Variants in ERICH1 observed in about 807,000 individuals in gnomAD.
ERICH1 encodes glutamate rich 1, also known as glutamate-rich protein 1.
ERICH1 carries 56 observed loss-of-function variants against 39.6 expected under a neutral mutation model. The observed-to-expected ratio is 1.41, with a 90% confidence interval of 1.14 to 1.77. The LOEUF (loss-of-function observed/expected upper bound fraction) is 1.77. Among genes scored for constraint, ERICH1 ranks in the 40% most tolerant of loss-of-function variants. ERICH1 has a pLI of 0.00. For synonymous variants in ERICH1, 313 were observed against 223.6 expected (o/e 1.40, Z -3.57); for missense variants, 826 against 575.4 (o/e 1.44, Z -4.45).
chr8:627,942 C>CG (rs887083113), intron 3 of ERICH1, among the ~76,000 whole-genome samples: 5 of 152,184 alleles, frequency 3.3e-5, no homozygotes, highest in African/African-American at 7.2e-5. Context: ...ACACAGGGGC[C>CG]GGGGGGGCCT....
intron 3 of ERICH1, among the ~76,000 whole-genome samples, chr8:678,723 G>C (rs759645422): frequency 3.9e-5 from 6 of 152,266 alleles, no homozygotes; most frequent in Admixed American, 6.5e-5. Flanking sequence ...CAGAAGAATC[G>C]CTTGAACCTG....
At chr8:627,871 G>A (rs955528326) in intron 3 of ERICH1, among the ~76,000 whole-genome samples, 56 of 152,336 alleles carry the variant, frequency 3.7e-4, no homozygotes, top group African/African-American at 1.3e-3. Flanking sequence ...TGAGGACCAA[G>A]CTCTGGGCAG....
At chr8:635,018 G>A (rs375034025) in intron 3 of ERICH1, among the ~76,000 whole-genome samples, 1 of 152,032 alleles carries the variant, frequency 6.6e-6, no homozygotes, top group Admixed American at 6.5e-5. Context: ...CTGGCCACCC[G>A]TGGCTTCAGA....
chr8:703,916 C>T (rs982928153), intron 2 of ERICH1, among the ~76,000 whole-genome samples: 6 of 152,128 alleles, frequency 3.9e-5, no homozygotes, highest in African/African-American at 1.2e-4. Context: ...CTACGGAGGC[C>T]ACGACAGATG....
intron 3 of ERICH1, among the ~76,000 whole-genome samples, chr8:635,679 G>C (rs1291577593): frequency 6.6e-6 from 1 of 152,226 alleles, no homozygotes; most frequent in Non-Finnish European, 1.5e-5. Context: ...TGTCATGACT[G>C]GCTTCCCAAG....
At position 675,113 on chromosome 8, in the gene ERICH1, G is replaced by A. The variant is rs1251895100; in HGVS notation, c.305-1066C>T. Among the ~76,000 whole-genome samples, 28 of 150,574 alleles carry A rather than the reference G, an allele frequency of 1.9e-4. 2 individuals carry two copies. Among genetic ancestry groups the A allele is most frequent in the Admixed American group, 1.1e-3 (16 of 15,094 alleles). ...GTCTCAACACCTCAGTGAGGACAGA[G>A]ACGTGGCGGCCCCTCGGCGAGGACA... On this transcript the variant is annotated intron_variant, in intron 3 of 5. Coordinates refer to ENST00000262109, the MANE Select transcript of ERICH1 (RefSeq NM_207332.3).
intron 3 of ERICH1, among the ~76,000 whole-genome samples, chr8:634,317 A>C (rs1172419859): frequency 6.6e-6 from 1 of 152,222 alleles, no homozygotes; most frequent in Non-Finnish European, 1.5e-5. Context: ...CTGCTATAGA[A>C]ACAAAACACA....
At chr8:689,399 C>G (rs1182973967) in intron 3 of ERICH1, among the ~76,000 whole-genome samples, 2 of 152,248 alleles carry the variant, frequency 1.3e-5, no homozygotes, top group African/African-American at 4.8e-5. Flanking sequence ...GCGTGAGCCA[C>G]TGCGCCTGGC....
At chr8:621,003 A>C (rs549914736) in intron 3 of ERICH1, among the ~76,000 whole-genome samples, 1 of 152,366 alleles carries the variant, frequency 6.6e-6, no homozygotes, top group South Asian at 2.1e-4. Flanking sequence ...TCCACGACTG[A>C]CAATATGGTG....
chr8:641,194 G>C (rs1331559156), intron 3 of ERICH1: 1 of 152,176 alleles, frequency 6.6e-6, no homozygotes, highest in East Asian at 1.9e-4. Flanking sequence ...AAAACGATGG[G>C]TCATTTGCTG....
intron 3 of ERICH1, among the ~76,000 whole-genome samples, chr8:617,003 C>A (rs1796962266): frequency 6.8e-6 from 1 of 146,704 alleles, no homozygotes; most frequent in Non-Finnish European, 1.5e-5. Flanking sequence ...TATAAGCGAG[C>A]AAATATCCAG....
At chr8:617,535 C>G (rs1001443360) in intron 3 of ERICH1, among the ~76,000 whole-genome samples, 1 of 152,152 alleles carries the variant, frequency 6.6e-6, no homozygotes, top group Non-Finnish European at 1.5e-5. Context: ...ATCCTCACTG[C>G]CCTCTGAGTG....
chr8:723,070 G>C (rs1427249835), intron 1 of ERICH1, among the ~76,000 whole-genome samples: 1 of 152,210 alleles, frequency 6.6e-6, no homozygotes, highest in Non-Finnish European at 1.5e-5. Context: ...GGAATGGCTT[G>C]GTGCCCACCT....
chr8:707,195 AT>A (rs964903996), intron 2 of ERICH1, among the ~76,000 whole-genome samples: 9 of 135,946 alleles, frequency 6.6e-5, no homozygotes, highest in Non-Finnish European at 1.1e-4. Flanking sequence ...TGGCCAACTG[AT>A]TTTTTTTGTT....
chr8:656,318 A>T (rs1445508921), intron 3 of ERICH1, among the ~76,000 whole-genome samples: 1 of 152,188 alleles, frequency 6.6e-6, no homozygotes, highest in African/African-American at 2.4e-5. Flanking sequence ...CCTGTGGGGT[A>T]AGGTGAGGCT....
chr8:711,263 C>G (rs1361166597), intron 2 of ERICH1, among the ~76,000 whole-genome samples: 2 of 152,150 alleles, frequency 1.3e-5, no homozygotes, highest in Non-Finnish European at 2.9e-5. Flanking sequence ...AATATTTTCT[C>G]TAAGTCTGTG....
At chr8:686,141 C>A (rs1198183654) in intron 3 of ERICH1, among the ~76,000 whole-genome samples, 1 of 152,096 alleles carries the variant, frequency 6.6e-6, no homozygotes, top group Non-Finnish European at 1.5e-5. Context: ...GATGACAGAG[C>A]GAGACTCCAT....
At chr8:639,014 C>A (rs1013268841) in intron 3 of ERICH1, among the ~76,000 whole-genome samples, 3 of 152,166 alleles carry the variant, frequency 2.0e-5, no homozygotes, top group African/African-American at 7.2e-5. Flanking sequence ...CCCCACCTGC[C>A]CACAACACTG....
At chr8:724,759 T>C (rs1276344162) in intron 1 of ERICH1, among the ~76,000 whole-genome samples, 1 of 152,194 alleles carries the variant, frequency 6.6e-6, no homozygotes, top group East Asian at 1.9e-4. Context: ...CCAAAGAACT[T>C]GCAACCCATA....
Sources: allele counts gnomAD v4.1 joint callset (sites outside exome capture counted in the v4.1 genomes callset), GRCh38; gene constraint gnomAD v4.1.1; transcripts MANE v1.5; gene names NCBI Gene and HGNC (gene_info 2026-07-23, HGNC 2026-07-21).